PLXNA2: variants seen among roughly 807,000 people sequenced by gnomAD.
PLXNA2 encodes plexin A2.
Under a neutral mutation model 193.5 loss-of-function variants are expected in PLXNA2, and 91 were observed. The ratio of observed to expected loss-of-function variants is 0.47; its 90% CI spans 0.40 to 0.56. PLXNA2 has a LOEUF of 0.56. PLXNA2 is among the 20% of genes least tolerant of loss of function. The probability of loss-of-function intolerance (pLI) is 0.00; values close to 1 mark genes in which losing one functional copy is unlikely to be tolerated. For synonymous variants in PLXNA2, 997 were observed against 1,027.3 expected (o/e 0.97, Z 0.56); for missense variants, 1,995 against 2,503.2 (o/e 0.80, Z 4.33).
chr1:208,217,533 C>T lies in PLXNA2; in HGVS notation c.390G>A (p.Gly130=). 6.2e-7 allele frequency: 1 copy of T among 1,614,186 alleles called. No individual in the cohort carries two copies. The highest frequency in any genetic ancestry group is 8.5e-7 in the Non-Finnish European group (1 of 1,180,036). Residue 130 remains glycine, a synonymous_variant, in exon 2 of 32, where the codon GGG becomes GGA. Transcript: ENST00000367033. The surrounding 1 kb of genome is among the most constrained non-coding windows in gnomAD (Gnocchi z 4.7). ...DYSENRLLAC[G]SLYQGVCKLL... ...GCTTGCAGACCCCCTGGTAGAGGCT[C>T]CCACAGGCCAGCAGGCGGTTCTCAG...
chr1:208,070,323 T>C (rs1665939233), intron 12 of PLXNA2, among the ~76,000 whole-genome samples: 1 of 152,210 alleles, frequency 6.6e-6, no homozygotes, highest in Admixed American at 6.5e-5. Context: ...TTACTCCTGC[T>C]CTCTCTGGCT....
intron 1 of PLXNA2, 165 bp from the exon 2 acceptor site, chr1:208,218,167 A>C: frequency 1.6e-6 from 1 of 618,874 alleles, no homozygotes; most frequent in Non-Finnish European, 2.8e-6. Context: ...AGGAATGTTC[A>C]GGGAATCCTG....
intron 3 of PLXNA2, among the ~76,000 whole-genome samples, chr1:208,174,927 GA>G (rs1427388975): frequency 3.3e-5 from 5 of 152,200 alleles, no homozygotes; most frequent in Non-Finnish European, 7.3e-5. Context: ...AGGGAAATCG[GA>G]TTTGGCCCCT....
chr1:208,113,494 G>A (rs1260263143), intron 4 of PLXNA2, among the ~76,000 whole-genome samples: 17 of 151,030 alleles, frequency 1.1e-4, no homozygotes, highest in African/African-American at 3.9e-4. Flanking sequence ...GTCTCCAAGA[G>A]AGCATGAAAG....
At chr1:208,200,898 G>C (rs554178480) in intron 3 of PLXNA2, among the ~76,000 whole-genome samples, 1 of 152,184 alleles carries the variant, frequency 6.6e-6, no homozygotes, top group East Asian at 1.9e-4. Flanking sequence ...GAACAACCGC[G>C]CCTGGCCTCC....
chr1:208,174,481 C>T (rs1200054499), intron 3 of PLXNA2, among the ~76,000 whole-genome samples: 1 of 152,018 alleles, frequency 6.6e-6, no homozygotes, highest in Non-Finnish European at 1.5e-5. Context: ...GGATGGTCAT[C>T]AGCCAGATGT....
chr1:208,117,336 C>T (rs1667668925), intron 4 of PLXNA2, among the ~76,000 whole-genome samples: 1 of 152,134 alleles, frequency 6.6e-6, no homozygotes, highest in South Asian at 2.1e-4. Context: ...CCGCAGGAGG[C>T]AGAGCGAAGC....
chr1:208,223,413 G>A (rs1005832524), intron 1 of PLXNA2, among the ~76,000 whole-genome samples: 1 of 152,162 alleles, frequency 6.6e-6, no homozygotes, highest in African/African-American at 2.4e-5. Flanking sequence ...TTTGCCTTCA[G>A]GCTGTCCTGT....
At chr1:208,202,770 A>T (rs1232041481) in intron 3 of PLXNA2, among the ~76,000 whole-genome samples, 1 of 152,114 alleles carries the variant, frequency 6.6e-6, no homozygotes, top group Non-Finnish European at 1.5e-5. Context: ...CATCCCACCC[A>T]TCCATAAAAC....
chr1:208,180,143 A>G (rs1669793896), intron 3 of PLXNA2, among the ~76,000 whole-genome samples: 1 of 149,702 alleles, frequency 6.7e-6, no homozygotes, highest in African/African-American at 2.5e-5. Context: ...GGCGGTTTAG[A>G]GCAGCTCACT....
intron 3 of PLXNA2, among the ~76,000 whole-genome samples, chr1:208,165,189 A>G (rs895909550): frequency 2.0e-5 from 3 of 152,208 alleles, no homozygotes; most frequent in African/African-American, 7.2e-5. Flanking sequence ...CATCCTTGGC[A>G]TGCCAGCAGA....
intron 1 of PLXNA2, among the ~76,000 whole-genome samples, chr1:208,220,989 C>T (rs1164339423): frequency 6.6e-6 from 1 of 152,142 alleles, no homozygotes; most frequent in Admixed American, 6.5e-5. Context: ...CCAATATAGC[C>T]TCTCCGCAGA....
At chr1:208,242,753 T>C (rs1276993599) in intron 1 of PLXNA2, among the ~76,000 whole-genome samples, 1 of 152,178 alleles carries the variant, frequency 6.6e-6, no homozygotes, top group African/African-American at 2.4e-5. Flanking sequence ...GGTGGACTTT[T>C]TTCGGGGATC....
At chr1:208,152,407 C>G (rs913638592) in intron 3 of PLXNA2, among the ~76,000 whole-genome samples, 6 of 152,176 alleles carry the variant, frequency 3.9e-5, no homozygotes, top group Non-Finnish European at 2.9e-5. Flanking sequence ...TGCCTCTTAT[C>G]TGGGCTACTG....
chr1:208,165,828 A>G (rs1669284200), intron 3 of PLXNA2, among the ~76,000 whole-genome samples: 1 of 152,174 alleles, frequency 6.6e-6, no homozygotes, highest in African/African-American at 2.4e-5. Flanking sequence ...GTGGGCCAGG[A>G]CATCTGGGTC....
chr1:208,113,005 C>CAAAAAAAAAAAA (rs5780433), intron 4 of PLXNA2, among the ~76,000 whole-genome samples: 1 of 114,656 alleles, frequency 8.7e-6, no homozygotes, highest in Admixed American at 9.4e-5. Context: ...GAAGGACCTA[C>CAAAAAAAAAAAA]AAAAAAAAAA....
chr1:208,032,936 C>A (rs1664547957), intron 28 of PLXNA2, among the ~76,000 whole-genome samples: 2 of 152,062 alleles, frequency 1.3e-5, no homozygotes, highest in Admixed American at 6.6e-5. Flanking sequence ...ACGCAGAAAG[C>A]AAAGATATAT....
At chr1:208,226,698 G>T (rs1447576955) in intron 1 of PLXNA2, among the ~76,000 whole-genome samples, 1 of 152,284 alleles carries the variant, frequency 6.6e-6, no homozygotes, top group African/African-American at 2.4e-5. Flanking sequence ...TTATCTAAAG[G>T]TCGCCACCCG....
At position 208,031,617 on chromosome 1, in the gene PLXNA2, T is replaced by C; in HGVS notation, c.5198A>G (p.Asp1733Gly). 6.2e-7 allele frequency: 1 copy of C among 1,613,908 alleles called. No homozygotes were observed. Among genetic ancestry groups the C allele is most frequent in the Non-Finnish European group, 8.5e-7 (1 of 1,179,978 alleles). ...QADRHSIHDT[D>G]VRHTWKSNCL... ...GTTGCTTTTCCAGGTGTGCCGCACA[T>C]CTGTGTCATGGATGCTGTGCCTGTC... Residue 1733 changes from aspartate (D) to glycine (G), a missense_variant, in exon 29 of 32, where the codon GAT (aspartate) becomes GGT (glycine). Physicochemically the swap from Asp to Gly is moderately conservative, Grantham distance 94 (BLOSUM62 -1). Transcript: ENST00000367033.
Sources: gnomAD v4.1 joint callset for allele counts (sites outside exome capture counted in the v4.1 genomes callset) on GRCh38, gnomAD v4.1.1 for gene constraint, Gnocchi (gnomAD v3.1) non-coding constraint, MANE v1.5 for transcripts, NCBI Gene and HGNC (gene_info 2026-07-23, HGNC 2026-07-21) for gene names.